BTBD16: variants seen among roughly 807,000 people sequenced by gnomAD.
BTBD16 encodes BTB domain containing 16, also known as BTB/POZ domain-containing protein 16.
A neutral mutation model predicts 67.4 loss-of-function variants in BTBD16; 66 were observed. That is an observed-to-expected ratio of 0.98 (90% CI 0.80 to 1.20). The LOEUF (loss-of-function observed/expected upper bound fraction) is 1.20. BTBD16 is among the 50% of genes most tolerant of loss of function. The pLI is 0.00. For missense variants in BTBD16, 634 were observed against 616.0 expected (o/e 1.03, Z -0.31); for synonymous variants, 242 against 236.4 (o/e 1.02, Z -0.22).
At chr10:122,304,775 G>A (rs1324162599) in intron 9 of BTBD16, among the ~76,000 whole-genome samples, 1 of 152,014 alleles carries the variant, frequency 6.6e-6, no homozygotes, top group East Asian at 1.9e-4. Flanking sequence ...AGATGGTCTT[G>A]ATCTCCTGAC....
intron 7 of BTBD16, among the ~76,000 whole-genome samples, chr10:122,295,621 G>A (rs1678858164): frequency 1.3e-5 from 2 of 152,160 alleles, no homozygotes; most frequent in South Asian, 4.1e-4. Flanking sequence ...AGGAGGGTCT[G>A]AACTAGGCAG....
chr10:122,287,500 C>A, intron 5 of BTBD16: 4 of 985,160 alleles, frequency 4.1e-6, no homozygotes, highest in Non-Finnish European at 4.8e-6. Flanking sequence ...AGGGAAGGTG[C>A]AGAGATGAAA....
intron 2 of BTBD16, among the ~76,000 whole-genome samples, chr10:122,276,046 A>G (rs2096339864): frequency 6.6e-6 from 1 of 152,252 alleles, no homozygotes; most frequent in Non-Finnish European, 1.5e-5. Context: ...AAGTACCAAT[A>G]CATGGATGAA....
chr10:122,282,039 C>T (rs17103331), intron 3 of BTBD16, among the ~76,000 whole-genome samples: 32,474 of 152,128 alleles, frequency 0.21, 3,547 homozygotes, highest in Middle Eastern at 0.28. Flanking sequence ...CCCTTGGGAA[C>T]AGCAGAGCCT....
chr10:122,334,531 G>T (rs1403692928), intron 13 of BTBD16, among the ~76,000 whole-genome samples: 1 of 89,748 alleles, frequency 1.1e-5, no homozygotes. Context: ...TTTTGAGATA[G>T]AGTCTTACTC....
At chr10:122,311,416 C>G (rs7893666) in intron 10 of BTBD16, among the ~76,000 whole-genome samples, 87,496 of 151,908 alleles carry the variant, frequency 0.58, 26,661 homozygotes, top group African/African-American at 0.79. Context: ...ACTCTACAGC[C>G]TGTTTTTCTG....
intron 10 of BTBD16, among the ~76,000 whole-genome samples, chr10:122,315,097 A>G (rs1393870804): frequency 6.6e-6 from 1 of 152,188 alleles, no homozygotes; most frequent in Non-Finnish European, 1.5e-5. Context: ...AATCTTACCA[A>G]CTTTACTAAA....
At chr10:122,321,990 A>G (rs2096436208) in intron 10 of BTBD16, among the ~76,000 whole-genome samples, 1 of 152,114 alleles carries the variant, frequency 6.6e-6, no homozygotes, top group African/African-American at 2.4e-5. Flanking sequence ...TCCACTTGGT[A>G]AATGTTTATT....
chr10:122,297,993 T>G (rs1280535559), intron 8 of BTBD16, among the ~76,000 whole-genome samples, 156 bp downstream of exon 8: 1 of 152,130 alleles, frequency 6.6e-6, no homozygotes, highest in African/African-American at 2.4e-5. Flanking sequence ...TTTGTGTGTT[T>G]TTTTTTTTAA....
rs1293268103 is a variant in BTBD16 at position 122,334,895 on chromosome 10, T to C, written c.1179T>C (p.Tyr393=). The C allele has an allele frequency of 1.9e-6, 3 of 1,559,708 alleles. No homozygotes were observed. The highest frequency in any genetic ancestry group is 2.6e-6 in the Non-Finnish European group (3 of 1,134,114). Reference sequence around the variant, plus strand: ...TCCCAATTTAGGAGAATACAACTTATTCGAAAACGATTGCTCTATATGGAT... The same window carrying C: ...TCCCAATTTAGGAGAATACAACTTACTCGAAAACGATTGCTCTATATGGAT... The part of the protein sequence containing the change: ...GLLFNQENTT[Y]SKTIALYGFF... The change falls in exon 14 of 16, where the codon TAT becomes TAC. Residue 393 remains tyrosine (Y), a synonymous_variant. Transcript: ENST00000260723.
rs752446536 is a variant in BTBD16, at chr10:122,299,072, G to A, written c.729G>A (p.Gly243=). 2 of 1,613,918 alleles carry A rather than the reference G, an allele frequency of 1.2e-6. No individual in the cohort carries two copies. The highest frequency in any genetic ancestry group is 1.7e-5 in the Admixed American group (1 of 59,976). ...AAATGAACTTGGTTCCTCTAGGGGG[G>A]ACGCAGATCCACCTCCACAAAATCC... is the stretch of plus-strand genomic sequence containing the variant. ...WLEMNLVPLG[G]TQIHLHKIPQ... The change falls in exon 9 of 16, where the codon GGG becomes GGA. Residue 243 remains glycine (G), a synonymous_variant. Coordinates refer to ENST00000260723, the MANE Select transcript of BTBD16 (RefSeq NM_144587.5).
In BTBD16 at chr10:122,274,671, G is replaced by A. The variant is rs35063483; in HGVS notation, c.-42-369G>A. ...GCCCTGGCCTACAGCCATTGTCCAGGCCTAATTATTAATATCATCCCTTTA... is the reference window on the plus strand; with the variant it reads ...GCCCTGGCCTACAGCCATTGTCCAGACCTAATTATTAATATCATCCCTTTA... On this transcript the variant is annotated intron_variant, in intron 1 of 15. Transcript: ENST00000260723. Among the ~76,000 whole-genome samples, 845 of 152,258 alleles carry A rather than the reference G, an allele frequency of 5.5e-3. 6 individuals are homozygous for A. Among genetic ancestry groups the A allele is most frequent in the Non-Finnish European group, 9.8e-3 (666 of 68,008 alleles).
chr10:122,297,084 T>TC (rs1318090627), intron 7 of BTBD16, among the ~76,000 whole-genome samples: 2 of 152,256 alleles, frequency 1.3e-5, no homozygotes, highest in Non-Finnish European at 2.9e-5. Flanking sequence ...GGCTGAAGTC[T>TC]CCATCATCTG....
intron 7 of BTBD16, 66 bp from the exon 8 acceptor site, chr10:122,297,702 T>G: frequency 2.6e-6 from 4 of 1,559,474 alleles, no homozygotes; most frequent in Non-Finnish European, 2.6e-6. Flanking sequence ...TGAGAATCTC[T>G]GGGACTTTCC....
At position 122,283,864 on chromosome 10, in the gene BTBD16, C is replaced by T. The variant is rs758483150; in HGVS notation, c.181C>T (p.Gln61Ter). The T allele has an allele frequency of 6.2e-7, 1 of 1,613,992 alleles. No individual in the cohort carries two copies. The highest frequency in any genetic ancestry group is 8.5e-7 in the Non-Finnish European group (1 of 1,179,858). The part of the protein sequence containing the change: ...LRNPDRLCIS[Q>*]IQKFFFENFK... ...TTTTCCCTTGAGGTTATGCATTTCA[C>T]AAATCCAGAAGTTTTTCTTTGAGAA... Residue 61 changes from glutamine to a stop codon, truncating the protein, a stop_gained, in exon 4 of 16, where the codon CAA (glutamine) becomes TAA (stop). Transcript: ENST00000260723. LOFTEE classifies it high-confidence loss of function.
At chr10:122,294,561 C>CAG (rs397692360) in intron 7 of BTBD16, among the ~76,000 whole-genome samples, 1 of 152,142 alleles carries the variant, frequency 6.6e-6, no homozygotes, top group Non-Finnish European at 1.5e-5. Context: ...TGCACACACA[C>CAG]GCTCACACAC....
At chr10:122,311,080 G>A (rs912480995) in intron 10 of BTBD16, among the ~76,000 whole-genome samples, 1 of 152,036 alleles carries the variant, frequency 6.6e-6, no homozygotes, top group Admixed American at 6.5e-5. Flanking sequence ...AAAGACATAC[G>A]TCCAAGCCAT....
intron 3 of BTBD16, 84 bp from the exon 4 acceptor site, chr10:122,283,767 A>T: frequency 9.4e-7 from 1 of 1,067,756 alleles, no homozygotes; most frequent in Non-Finnish European, 1.4e-6. Context: ...CTTTAAGGAC[A>T]TTTATGCTAG....
intron 10 of BTBD16, among the ~76,000 whole-genome samples, chr10:122,314,840 A>G (rs2096421007): frequency 6.6e-6 from 1 of 152,070 alleles, no homozygotes; most frequent in Non-Finnish European, 1.5e-5. Context: ...TGTGTCTTTC[A>G]CTTATTTTTC....
Sources: gnomAD v4.1 joint callset for allele counts (sites outside exome capture counted in the v4.1 genomes callset) on GRCh38, gnomAD v4.1.1 for gene constraint, MANE v1.5 for transcripts, NCBI Gene and HGNC (gene_info 2026-07-23, HGNC 2026-07-21) for gene names.